The following MAGI1 variants were observed in gnomAD, a reference collection of about 807,000 sequenced individuals.
MAGI1 encodes the protein membrane-associated guanylate kinase, WW and PDZ domain-containing protein 1.
A neutral mutation model predicts 139.9 loss-of-function variants in MAGI1; 58 were observed. The ratio of observed to expected loss-of-function variants is 0.41; its 90% CI spans 0.34 to 0.52. MAGI1 has a LOEUF of 0.52. Ranked by LOEUF, MAGI1 falls within the 20% of genes least tolerant of loss-of-function variation. The pLI, the probability that MAGI1 is intolerant of heterozygous loss-of-function variation, is 0.12. For missense variants in MAGI1, 1,874 were observed against 1,901.6 expected (o/e 0.99, Z 0.27); for synonymous variants, 812 against 737.9 (o/e 1.10, Z -1.63).
intron 1 of MAGI1, among the ~76,000 whole-genome samples, chr3:65,943,910 T>C (rs1439009111): frequency 3.9e-5 from 6 of 152,224 alleles, no homozygotes; most frequent in South Asian, 2.1e-4. Flanking sequence ...ATATTCATTC[T>C]ACAGAACTCA....
intron 12 of MAGI1, among the ~76,000 whole-genome samples, chr3:65,415,933 A>G (rs1559536013): frequency 6.6e-6 from 1 of 152,174 alleles, no homozygotes; most frequent in Non-Finnish European, 1.5e-5. Flanking sequence ...GACAAACTAT[A>G]TAAACATAGA....
intron 1 of MAGI1, among the ~76,000 whole-genome samples, chr3:66,013,760 CAAAA>C (rs372862676): frequency 2.5e-5 from 2 of 81,542 alleles, no homozygotes; most frequent in Admixed American, 1.4e-4. Flanking sequence ...GACTCTGTCT[CAAAA>C]AAAAAAAAAA....
chr3:65,831,737 T>G (rs1321665026), intron 1 of MAGI1, among the ~76,000 whole-genome samples: 1 of 152,180 alleles, frequency 6.6e-6, no homozygotes, highest in Non-Finnish European at 1.5e-5. Context: ...CTGGAGAGAA[T>G]TTACTTGTGT....
At chr3:65,796,270 T>A (rs2040143687) in intron 1 of MAGI1, among the ~76,000 whole-genome samples, 1 of 152,154 alleles carries the variant, frequency 6.6e-6, no homozygotes, top group Non-Finnish European at 1.5e-5. Context: ...CTTTTAAGGC[T>A]TTCAACTGAT....
intron 17 of MAGI1, among the ~76,000 whole-genome samples, chr3:65,376,862 G>T (rs1942585097): frequency 6.6e-6 from 1 of 152,158 alleles, no homozygotes; most frequent in Non-Finnish European, 1.5e-5. Context: ...GGAGAGAAAG[G>T]TTTATTCGTG....
At chr3:65,417,314 C>A (rs1360149896) in intron 12 of MAGI1, among the ~76,000 whole-genome samples, 4 of 151,980 alleles carry the variant, frequency 2.6e-5, no homozygotes, top group African/African-American at 9.7e-5. Context: ...CACATGTACC[C>A]CTGAACTTAA....
At chr3:65,442,373 G>A (rs1948403311) in intron 8 of MAGI1, among the ~76,000 whole-genome samples, 1 of 152,086 alleles carries the variant, frequency 6.6e-6, no homozygotes, top group African/African-American at 2.4e-5. Flanking sequence ...GAATAAAGAA[G>A]TAATTGCTAA....
In MAGI1 at chr3:65,363,588, C is replaced by T. The variant is rs1229772224; in HGVS notation, c.3372G>A (p.Val1124=). Residue 1124 remains valine, a synonymous_variant, in exon 21 of 23, where the codon GTG becomes GTA. Coordinates refer to ENST00000402939, the MANE Select transcript of MAGI1 (RefSeq NM_001033057.2). ...QATQEQDFYT[V]ELERGAKGFG... is the part of the protein sequence containing the mutation. ...ATCCCTTGGCTCCTCTTTCCAGTTC[C>T]ACAGTGTAAAAATCTTGCTCCTATT... is the stretch of plus-strand genomic sequence containing the variant. 2 of 1,613,826 alleles carry T rather than the reference C, an allele frequency of 1.2e-6. No individual in the cohort carries two copies. Among genetic ancestry groups the T allele is most frequent in the Non-Finnish European group, 8.5e-7 (1 of 1,179,872 alleles).
intron 1 of MAGI1, among the ~76,000 whole-genome samples, chr3:65,995,997 C>CA (rs1412631710): frequency 2.0e-5 from 3 of 151,878 alleles, no homozygotes; most frequent in Non-Finnish European, 2.9e-5. Context: ...GACCCTTTCT[C>CA]AAAAAACAAA....
chr3:65,366,170 T>C (rs1161323314), intron 18 of MAGI1, among the ~76,000 whole-genome samples: 1 of 152,342 alleles, frequency 6.6e-6, no homozygotes, highest in Non-Finnish European at 1.5e-5. Context: ...GTATATGCAA[T>C]GTTTAAGCTC....
chr3:65,512,923 A>C (rs1371753811), intron 2 of MAGI1, among the ~76,000 whole-genome samples: 69 of 149,192 alleles, frequency 4.6e-4, no homozygotes, highest in Middle Eastern at 3.4e-3. Context: ...TACTGGCAAA[A>C]CGAATCCAGC....
Position 66,038,208 on chromosome 3 carries a change from C to A in MAGI1, c.101G>T (p.Gly34Val). 1 of 1,612,276 alleles carries A rather than the reference C, an allele frequency of 6.2e-7. No homozygotes were observed. Among genetic ancestry groups the A allele is most frequent in the Non-Finnish European group, 8.5e-7 (1 of 1,179,700 alleles). Reference sequence around the variant, plus strand: ...CGGAAACTCCCCGTGCTCCGCGCCTCCCAGCACCGTCACCCCCAGCTCGCC... The same window carrying A: ...CGGAAACTCCCCGTGCTCCGCGCCTACCAGCACCGTCACCCCCAGCTCGCC... ...PQGELGVTVL[G>V]GAEHGEFPYV... is the part of the protein sequence containing the mutation. Residue 34 changes from glycine to valine, a missense_variant, in exon 1 of 23, where the codon GGA becomes GTA. Coordinates refer to ENST00000402939, the MANE Select transcript of MAGI1 (RefSeq NM_001033057.2).
chr3:65,940,696 T>C (rs1293013629), intron 1 of MAGI1, among the ~76,000 whole-genome samples: 1 of 152,216 alleles, frequency 6.6e-6, no homozygotes, highest in Admixed American at 6.5e-5. Flanking sequence ...TCAGCTTTAG[T>C]ATTGGTAACA....
chr3:65,548,573 A>AGTGCAGT (rs2079632763), intron 2 of MAGI1, among the ~76,000 whole-genome samples: 1 of 120,340 alleles, frequency 8.3e-6, no homozygotes, highest in Non-Finnish European at 1.6e-5. Flanking sequence ...CCCAGGCTGG[A>AGTGCAGT]GTGCAGTGGC....
chr3:65,950,067 C>CAAAAAAAAAAAAA (rs61696952), intron 1 of MAGI1, among the ~76,000 whole-genome samples: 16 of 76,732 alleles, frequency 2.1e-4, no homozygotes, highest in African/African-American at 4.6e-4. Flanking sequence ...AACAAAAAAA[C>CAAAAAAAAAAAAA]AAAAAAAAAA....
At chr3:65,966,948 C>T (rs906742550) in intron 1 of MAGI1, among the ~76,000 whole-genome samples, 2 of 152,168 alleles carry the variant, frequency 1.3e-5, no homozygotes, top group African/African-American at 2.4e-5. Context: ...AAGTGTCGTA[C>T]ATGTATTAAT....
intron 1 of MAGI1, among the ~76,000 whole-genome samples, chr3:65,858,073 C>T (rs2059427669): frequency 6.6e-6 from 1 of 151,966 alleles, no homozygotes; most frequent in Non-Finnish European, 1.5e-5. Context: ...TGTGCCACTG[C>T]ACTCCAGCCT....
At chr3:65,462,885 G>C (rs373439970) in intron 5 of MAGI1, among the ~76,000 whole-genome samples, 73 of 152,150 alleles carry the variant, frequency 4.8e-4, no homozygotes, top group African/African-American at 1.6e-3. Flanking sequence ...TAGCCATTGT[G>C]AATGGGAGTT....
At chr3:65,662,468 C>T (rs1324310430) in intron 1 of MAGI1, among the ~76,000 whole-genome samples, 2 of 152,208 alleles carry the variant, frequency 1.3e-5, no homozygotes, top group African/African-American at 2.4e-5. Context: ...ATGGCCATGG[C>T]CGCGTTCCAG....
Sources: gnomAD v4.1 joint callset for allele counts (sites outside exome capture counted in the v4.1 genomes callset) on GRCh38, gnomAD v4.1.1 for gene constraint, MANE v1.5 for transcripts, NCBI Gene and HGNC (gene_info 2026-07-23, HGNC 2026-07-21) for gene names.